The following FNDC3B variants were observed in gnomAD, a reference collection of about 807,000 sequenced individuals.
The protein encoded by FNDC3B is fibronectin type III domain containing 3B.
FNDC3B carries 12 observed loss-of-function variants against 151.5 expected under a neutral mutation model. The observed-to-expected ratio is 0.08, with a 90% CI of 0.05 to 0.13. FNDC3B has a LOEUF of 0.13. FNDC3B is among the 10% of genes least tolerant of loss of function. The pLI is 1.00. For synonymous variants in FNDC3B, 528 were observed against 549.0 expected, an observed-to-expected ratio of 0.96 and a Z score of 0.54; for missense variants, 1,214 against 1,505.3, an observed-to-expected ratio of 0.81 and a Z score of 3.20.
chr3:172,228,382 CA>C (rs1310664123), intron 4 of FNDC3B, among the ~76,000 whole-genome samples: 1 of 152,156 alleles, frequency 6.6e-6, no homozygotes, highest in Non-Finnish European at 1.5e-5. Context: ...CATTGTGACG[CA>C]AAAATAACAC....
intron 6 of FNDC3B, among the ~76,000 whole-genome samples, chr3:172,269,122 T>C (rs1440010361): frequency 6.6e-6 from 1 of 152,258 alleles, no homozygotes; most frequent in African/African-American, 2.4e-5. Flanking sequence ...TCTAGAACGT[T>C]ACAGTCTCCA....
chr3:172,157,809 A>G (rs1192806786), intron 3 of FNDC3B, among the ~76,000 whole-genome samples: 1 of 152,198 alleles, frequency 6.6e-6, no homozygotes, highest in Non-Finnish European at 1.5e-5. Context: ...GCTTTGCTTG[A>G]ACATGACTTT....
intron 4 of FNDC3B, among the ~76,000 whole-genome samples, chr3:172,237,101 C>T (rs1727206567): frequency 1.3e-5 from 2 of 152,144 alleles, no homozygotes; most frequent in Non-Finnish European, 1.5e-5. Flanking sequence ...GAAGGATTGC[C>T]GTTTTTGAGA....
At chr3:172,129,486 T>C (rs753379570) in intron 2 of FNDC3B, among the ~76,000 whole-genome samples, 3 of 152,260 alleles carry the variant, frequency 2.0e-5, no homozygotes, top group Non-Finnish European at 4.4e-5. Flanking sequence ...TTTAGATTTA[T>C]ACCTGTAAAG....
At chr3:172,157,158 A>C (rs1722532065) in intron 3 of FNDC3B, among the ~76,000 whole-genome samples, 1 of 152,180 alleles carries the variant, frequency 6.6e-6, no homozygotes, top group Admixed American at 6.5e-5. Flanking sequence ...AGTTTCGCTA[A>C]GCTGCCAGCA....
chr3:172,392,810 C>CTTTCTTTTT (rs1491505881), intron 25 of FNDC3B, among the ~76,000 whole-genome samples: 9 of 99,898 alleles, frequency 9.0e-5, no homozygotes, highest in African/African-American at 1.1e-4. Flanking sequence ...TTTTTTTTTT[C>CTTTCTTTTT]TTTTTTTTTT....
intron 22 of FNDC3B, among the ~76,000 whole-genome samples, chr3:172,354,839 A>T (rs2108328641): frequency 6.6e-6 from 1 of 151,550 alleles, no homozygotes; most frequent in African/African-American, 2.4e-5. Flanking sequence ...TGGAGCTTGG[A>T]TAAAAGACTT....
chr3:172,147,679 TG>T (rs1721987532), intron 3 of FNDC3B, among the ~76,000 whole-genome samples: 1 of 152,104 alleles, frequency 6.6e-6, no homozygotes, highest in Non-Finnish European at 1.5e-5. Context: ...GATTCAGGTC[TG>T]GGGTGGGTGG....
chr3:172,091,375 A>G (rs573361945), intron 1 of FNDC3B, among the ~76,000 whole-genome samples: 5 of 152,326 alleles, frequency 3.3e-5, no homozygotes, highest in South Asian at 2.1e-4. Flanking sequence ...TGCTCTATCT[A>G]TGTAATTTTA....
chr3:172,175,276 AC>A (rs754894049), intron 3 of FNDC3B, among the ~76,000 whole-genome samples: 80 of 152,224 alleles, frequency 5.3e-4, no homozygotes, highest in Admixed American at 3.0e-3. Context: ...TGTTGAATGA[AC>A]AAGTGGAGAG....
chr3:172,147,249 G>A (rs1052114595), intron 3 of FNDC3B, among the ~76,000 whole-genome samples: 1 of 151,252 alleles, frequency 6.6e-6, no homozygotes, highest in Non-Finnish European at 1.5e-5. Context: ...GGAGGTTGCA[G>A]TGAGCTGAGA....
intron 4 of FNDC3B, among the ~76,000 whole-genome samples, chr3:172,238,490 A>C (rs1413209385): frequency 6.6e-6 from 1 of 152,188 alleles, no homozygotes; most frequent in Non-Finnish European, 1.5e-5. Context: ...AGCTTAATCT[A>C]TAAAATAAAA....
At chr3:172,181,410 A>AAC (rs1553769948) in intron 3 of FNDC3B, among the ~76,000 whole-genome samples, 153 of 144,222 alleles carry the variant, frequency 1.1e-3, no homozygotes, top group African/African-American at 3.8e-3. Flanking sequence ...AAAAAAAAAA[A>AAC]AAAACAAAAA....
chr3:172,075,844 T>A (rs1348687173), intron 1 of FNDC3B, among the ~76,000 whole-genome samples: 1 of 152,076 alleles, frequency 6.6e-6, no homozygotes, highest in African/African-American at 2.4e-5. Context: ...TGCAATTCTA[T>A]TCGATTTTAT....
chr3:172,360,215 T>A (rs1020665855), intron 22 of FNDC3B, among the ~76,000 whole-genome samples: 4 of 152,208 alleles, frequency 2.6e-5, no homozygotes, highest in Non-Finnish European at 4.4e-5. Flanking sequence ...GCTAATGATG[T>A]CAAACATGTT....
chr3:172,294,785 C>T (rs960969282), intron 7 of FNDC3B, among the ~76,000 whole-genome samples: 10 of 152,158 alleles, frequency 6.6e-5, no homozygotes, highest in Admixed American at 1.3e-4. Context: ...CCAGAGTCTT[C>T]GGTTCAAATG....
chr3:172,088,818 T>C (rs1201106084), intron 1 of FNDC3B, among the ~76,000 whole-genome samples: 1 of 152,254 alleles, frequency 6.6e-6, no homozygotes, highest in African/African-American at 2.4e-5. Flanking sequence ...ATTATGATTT[T>C]ATGATTACTT....
chr3:172,298,432 G>A (rs1730744978), intron 8 of FNDC3B, among the ~76,000 whole-genome samples: 1 of 152,134 alleles, frequency 6.6e-6, no homozygotes, highest in South Asian at 2.1e-4. Context: ...TCATTCATTT[G>A]CTTACTTAGT....
At chr3:172,188,607 A>G (rs1328282191) in intron 3 of FNDC3B, among the ~76,000 whole-genome samples, 1 of 151,748 alleles carries the variant, frequency 6.6e-6, no homozygotes, top group Non-Finnish European at 1.5e-5. Context: ...GGGTTTCACC[A>G]TGTTGGCCAG....
Sources: gnomAD v4.1 joint callset for allele counts (sites outside exome capture counted in the v4.1 genomes callset) on GRCh38, gnomAD v4.1.1 for gene constraint, MANE v1.5 for transcripts, NCBI Gene and HGNC (gene_info 2026-07-23, HGNC 2026-07-21) for gene names.